Variants in API5 observed in about 807,000 individuals in gnomAD.
API5 encodes FIF.
A neutral mutation model predicts 71.9 loss-of-function variants in API5; 6 were observed. The ratio of observed to expected loss-of-function variants is 0.08; its 90% CI spans 0.05 to 0.16. API5 has a LOEUF of 0.16. Among genes scored for constraint, API5 ranks in the 10% least tolerant of loss-of-function variants. The probability of loss-of-function intolerance (pLI) is 1.00; values close to 1 mark genes in which losing one functional copy is unlikely to be tolerated. For missense variants in API5, 332 were observed against 612.8 expected (o/e 0.54, Z 4.84); for synonymous variants, 189 against 221.3 (o/e 0.85, Z 1.30).
At chr11:43,317,949 T>A (rs1854728999) in intron 1 of API5, among the ~76,000 whole-genome samples, 1 of 152,130 alleles carries the variant, frequency 6.6e-6, no homozygotes, top group African/African-American at 2.4e-5. Flanking sequence ...GTGTTGAGAT[T>A]ACAGGCATGA....
intron 9 of API5, among the ~76,000 whole-genome samples, chr11:43,329,753 T>TA (rs1455912822): frequency 6.6e-6 from 1 of 152,236 alleles, no homozygotes; most frequent in Non-Finnish European, 1.5e-5. Flanking sequence ...AGCCATGTGT[T>TA]ACCTGTTACT....
intron 1 of API5, among the ~76,000 whole-genome samples, chr11:43,313,088 C>G (rs978831786): frequency 3.5e-5 from 4 of 113,346 alleles, no homozygotes; most frequent in Non-Finnish European, 7.3e-5. Flanking sequence ...GCCTGGGAGA[C>G]AAAGCAAGAC....
chr11:43,323,510 T>G lies in API5; in HGVS notation c.624T>G (p.Ser208Arg). ...LSGLKSLQTV[S>R]GRQQLVELVA... ...GGTTAAAAAGCTTACAGACAGTGAG[T>G]GGAAGACAGCAACTTGTAGAGTTGG... The change falls in exon 6 of 14, where the codon AGT (serine) becomes AGG (arginine). Residue 208 changes from serine (S) to arginine (R), a missense_variant. Physicochemically the swap from Ser to Arg is moderately radical, Grantham distance 110. This residue lies in a region of API5 where 37 missense variants were observed against 31.3 expected (regional missense o/e 1.18). Transcript: ENST00000531273. 1 of 1,614,118 alleles carries G rather than the reference T, an allele frequency of 6.2e-7. No individual in the cohort carries two copies. Among genetic ancestry groups the G allele is most frequent in the Non-Finnish European group, 8.5e-7 (1 of 1,180,004 alleles).
chr11:43,344,511 A>C lies in API5; in HGVS notation c.*2001A>C, dbSNP rs1268085302. The C allele has an allele frequency of 6.6e-6, 1 of 152,518 alleles. No homozygotes were observed. Among genetic ancestry groups the C allele is most frequent in the Admixed American group, 6.6e-5 (1 of 15,254 alleles). 9.4% of individuals were successfully genotyped at this position (152,518 alleles called of 1,614,324 possible). A position where few individuals can be genotyped will look rare whatever the true frequency, so the allele number is the denominator to read the frequency against. ...AATGTCCCCTTATGCTTTTGAAATA[A>C]ATTTCCTTTTGTAATTTTGTTTTGT... is the stretch of plus-strand genomic sequence containing the variant. On this transcript the variant is annotated 3_prime_UTR_variant, in exon 14 of 14. Coordinates refer to ENST00000531273, the MANE Select transcript of API5 (RefSeq NM_001142930.2).
intron 9 of API5, among the ~76,000 whole-genome samples, chr11:43,329,716 T>C (rs935729223): frequency 2.0e-5 from 3 of 152,232 alleles, no homozygotes; most frequent in Non-Finnish European, 4.4e-5. Flanking sequence ...CATTAACAAA[T>C]TCACATTTTA....
intron 13 of API5, among the ~76,000 whole-genome samples, chr11:43,336,784 G>A (rs1049050349): frequency 1.8e-4 from 28 of 151,984 alleles, no homozygotes; most frequent in Admixed American, 6.6e-4. Context: ...CGAGGCAGGC[G>A]GATCACGAGG....
In API5 at chr11:43,326,567, G is replaced by A. The variant is rs778230801; in HGVS notation, c.811G>A (p.Gly271Ser). Reference sequence around the variant, plus strand: ...CTGTGAGCAGGTTCTCCCTAACCTCGGTACCTTGACTACCCCAGTGGAAGG... The same window carrying A: ...CTGTGAGCAGGTTCTCCCTAACCTCAGTACCTTGACTACCCCAGTGGAAGG... ...YFCEQVLPNL[G>S]TLTTPVEGLD... Residue 271 changes from glycine to serine, a missense_variant, in exon 7 of 14, where the codon GGT (glycine) becomes AGT (serine). By Grantham distance (56) the Gly-to-Ser change is moderately conservative. Around this residue, in one of 3 missense-constraint regions of API5, gnomAD observed 168 missense variants for 343.9 expected, o/e 0.49. Coordinates refer to ENST00000531273, the MANE Select transcript of API5 (RefSeq NM_001142930.2). 29 of 1,610,024 alleles carry A rather than the reference G, an allele frequency of 1.8e-5. No homozygotes were observed. Among genetic ancestry groups the A allele is most frequent in the Non-Finnish European group, 2.3e-5 (27 of 1,178,060 alleles).
In API5 at chr11:43,335,412, T is replaced by A. The variant is rs374604608; in HGVS notation, c.1355+58T>A. 36 of 1,007,112 alleles carry A rather than the reference T, an allele frequency of 3.6e-5. 1 individual carries two copies. The African/African-American group carries it at 3.7e-4, about 10-fold the overall frequency. The allele number at this position is 1,007,112 out of a possible 1,614,324, so 62.4% of individuals were successfully genotyped here. A position where few individuals can be genotyped will look rare whatever the true frequency, so the allele number is the denominator to read the frequency against. On this transcript the variant is annotated intron_variant, in intron 12 of 13. Transcript: ENST00000531273. ...TATCAAAACTTAATACGAGTTACAT[T>A]TACTGTTCAAAAGGGTGCAATGTTA...
At chr11:43,321,886 T>C in intron 4 of API5, 99 bp from the exon 5 acceptor site, 1 of 1,245,916 alleles carries the variant, frequency 8.0e-7, no homozygotes, top group Non-Finnish European at 1.1e-6. Context: ...GGGAAGTTCA[T>C]TAACTTATTT....
At chr11:43,320,762 C>G in intron 2 of API5, 59 bp from the exon 3 acceptor site, 90 of 1,225,044 alleles carry the variant, frequency 7.3e-5, no homozygotes, top group Middle Eastern at 2.8e-4. Flanking sequence ...AAAGAAAAAG[C>G]TGTTTGTTAT....
At chr11:43,331,513 T>C (rs1855257014) in intron 11 of API5, among the ~76,000 whole-genome samples, 1 of 152,168 alleles carries the variant, frequency 6.6e-6, no homozygotes, top group Non-Finnish European at 1.5e-5. Flanking sequence ...AGAGAAAATA[T>C]TAAGTGGAAG....
Position 43,322,097 on chromosome 11 carries a change from A to G in API5, c.504A>G (p.Thr168=), listed in dbSNP as rs764690102. Residue 168 remains threonine (T), a synonymous_variant, in exon 5 of 14, where the codon ACA becomes ACG. Transcript: ENST00000531273. The part of the protein sequence containing the change: ...KLKTLPDEVL[T]KEVEELILTE... ...AGACTTTACCAGATGAAGTCTTAAC[A>G]AAGGAAGTGGAAGAGCTTATACTAA... The G allele has an allele frequency of 4.3e-6, 7 of 1,612,660 alleles. No individual in the cohort carries two copies. Among genetic ancestry groups the G allele is most frequent in the Admixed American group, 3.3e-5 (2 of 59,858 alleles).
At chr11:43,314,114 G>T (rs2134335374) in intron 1 of API5, among the ~76,000 whole-genome samples, 1 of 151,540 alleles carries the variant, frequency 6.6e-6, no homozygotes, top group East Asian at 1.9e-4. Context: ...AAAAAAAAAA[G>T]ATACAAACTA....
rs74363915 is a variant in API5 at position 43,315,288 on chromosome 11, C to A, written c.69+3092C>A. Among the ~76,000 whole-genome samples, 1,285 of 152,268 alleles carry A rather than the reference C, an allele frequency of 8.4e-3. 15 individuals carry two copies. The highest frequency in any genetic ancestry group is 0.029 in the African/African-American group (1,218 of 41,536). On this transcript the variant is annotated intron_variant, in intron 1 of 13. Coordinates refer to ENST00000531273, the MANE Select transcript of API5 (RefSeq NM_001142930.2). The stretch of plus-strand genomic sequence containing the variant: ...CAGATCAAATCCTCTTTTTGAACCC[C>A]TTGGTACGATGTACTTACTAATAAT...
Position 43,321,393 on chromosome 11 carries a change from C to A in API5, c.326-18C>A. On this transcript the variant is annotated intron_variant, in intron 3 of 13. Transcript: ENST00000531273. ...TAAATTTGTTTTATATTCATTATGC[C>A]ACTTTTTCTTTATCCAGATGACTCT... is the stretch of plus-strand genomic sequence containing the variant. 1 of 1,591,256 alleles carries A rather than the reference C, an allele frequency of 6.3e-7. No homozygotes were observed. Among genetic ancestry groups the A allele is most frequent in the South Asian group, 1.1e-5 (1 of 88,222 alleles).
chr11:43,335,417 G>C, intron 12 of API5, 63 bp downstream of exon 12: 1 of 951,216 alleles, frequency 1.1e-6, no homozygotes, highest in Admixed American at 1.9e-5. Flanking sequence ...TACATTTACT[G>C]TTCAAAAGGG....
chr11:43,321,419 G>C lies in API5; in HGVS notation c.334G>C (p.Ala112Pro). 1 of 1,609,908 alleles carries C rather than the reference G, an allele frequency of 6.2e-7. No homozygotes were observed. Among genetic ancestry groups the C allele is most frequent in the Non-Finnish European group, 8.5e-7 (1 of 1,177,766 alleles). Reference sequence around the variant, plus strand: ...ACTTTTTCTTTATCCAGATGACTCTGCAGAATTTAACCTAGTGAACAATGC... The same window carrying C: ...ACTTTTTCTTTATCCAGATGACTCTCCAGAATTTAACCTAGTGAACAATGC... ...LTQLLQTDDS[A>P]EFNLVNNALL... The change falls in exon 4 of 14, where the codon GCA becomes CCA. Residue 112 changes from alanine (A) to proline (P), a missense_variant. Physicochemically the swap from Ala to Pro is conservative, Grantham distance 27 (BLOSUM62 -1). This residue lies in a region of API5 where 127 missense variants were observed against 237.6 expected (regional missense o/e 0.53). Transcript: ENST00000531273.
Position 43,323,554 on chromosome 11 carries a change from T to C in API5, c.668T>C (p.Leu223Pro). ...GAGTTGGTGGCTGAACAGGCCGACC[T>C]AGAACAGACCTTCAATCCCTCGGAT... ...LVELVAEQADLEQTFNPSDPD... is the reference protein window; with the variant it reads ...LVELVAEQADPEQTFNPSDPD... The change falls in exon 6 of 14, where the codon CTA becomes CCA. Residue 223 changes from leucine to proline, a missense_variant. Leu to Pro is a moderately conservative substitution (Grantham distance 98). This residue lies in a region of API5 where 37 missense variants were observed against 31.3 expected (regional missense o/e 1.18). Transcript: ENST00000531273. The C allele has an allele frequency of 6.2e-7, 1 of 1,614,162 alleles. No individual in the cohort carries two copies. The highest frequency in any genetic ancestry group is 2.2e-5 in the East Asian group (1 of 44,874).
chr11:43,336,366 A>G, intron 13 of API5: 1 of 276,224 alleles, frequency 3.6e-6, no homozygotes, highest in Non-Finnish European at 6.8e-6. Flanking sequence ...CTTCTGAGAG[A>G]TAGTATAAAT....
Sources: gnomAD v4.1 joint callset for allele counts (sites outside exome capture counted in the v4.1 genomes callset) on GRCh38, gnomAD v4.1.1 for gene constraint, gnomAD v4.1.1 regional missense constraint, MANE v1.5 for transcripts, NCBI Gene and HGNC (gene_info 2026-07-23, HGNC 2026-07-21) for gene names.